The following MROH2A variants were observed in gnomAD, a reference collection of about 807,000 sequenced individuals.
The protein encoded by MROH2A is maestro heat-like repeat-containing protein family member 2A.
Under a neutral mutation model 200.4 loss-of-function variants are expected in MROH2A, and 174 were observed. That is an observed-to-expected ratio of 0.87 (90% CI 0.77 to 0.98). The LOEUF is 0.98. Ranked by LOEUF, MROH2A falls within the 50% of genes least tolerant of loss-of-function variation. MROH2A has a pLI of 0.00. For missense variants in MROH2A, 2,045 were observed against 2,139.6 expected (o/e 0.96, Z 0.87); for synonymous variants, 829 against 840.4 (o/e 0.99, Z 0.23).
intron 18 of MROH2A, 110 bp downstream of exon 18, chr2:233,804,657 C>A: frequency 1.1e-6 from 1 of 936,034 alleles, no homozygotes; most frequent in Non-Finnish European, 1.7e-6. Flanking sequence ...CCCTAAAGGA[C>A]ATGTTCTCCT....
At position 233,795,728 on chromosome 2, in the gene MROH2A, A is replaced by C; in HGVS notation, c.1042A>C (p.Thr348Pro). 1 of 1,551,072 alleles carries C rather than the reference A, an allele frequency of 6.4e-7. No homozygotes were observed. Among genetic ancestry groups the C allele is most frequent in the South Asian group, 1.2e-5 (1 of 84,056 alleles). Residue 348 changes from threonine (T) to proline (P), a missense_variant, in exon 9 of 42, where the codon ACA (threonine) becomes CCA (proline). Thr to Pro is a conservative substitution (Grantham distance 38). Transcript: ENST00000389758. ...VPQMQLHTIF[T>P]ELHVQVCNKA... Reference sequence around the variant, plus strand: ...CCAAATGCAGCTACACACCATTTTCACAGAACTGCACGTCCAGGTGAGGCC... The same window carrying C: ...CCAAATGCAGCTACACACCATTTTCCCAGAACTGCACGTCCAGGTGAGGCC...
At chr2:233,781,570 T>C (rs2126080193) in intron 3 of MROH2A, among the ~76,000 whole-genome samples, 1 of 152,252 alleles carries the variant, frequency 6.6e-6, no homozygotes, top group East Asian at 1.9e-4. Flanking sequence ...CTTTTGCCCA[T>C]TTTTAAATTT....
intron 3 of MROH2A, among the ~76,000 whole-genome samples, chr2:233,782,246 C>T (rs1208520607): frequency 6.6e-6 from 1 of 152,042 alleles, no homozygotes; most frequent in African/African-American, 2.4e-5. Context: ...TAAAGAATGT[C>T]ATTGGTATTT....
chr2:233,809,378 A>G (rs1008027870), intron 22 of MROH2A, 100 bp downstream of exon 22: 1 of 1,311,644 alleles, frequency 7.6e-7, no homozygotes, highest in Non-Finnish European at 1.1e-6. Flanking sequence ...CCCAGGGGAC[A>G]TCCAGGCATC....
intron 25 of MROH2A, 83 bp downstream of exon 25, chr2:233,813,861 C>T: frequency 2.8e-6 from 2 of 709,210 alleles, no homozygotes; most frequent in Non-Finnish European, 2.5e-6. Flanking sequence ...AGTCCACCTT[C>T]CTGAACCACC....
At chr2:233,793,278 C>G (rs1701898887) in intron 6 of MROH2A, among the ~76,000 whole-genome samples, 1 of 152,216 alleles carries the variant, frequency 6.6e-6, no homozygotes, top group South Asian at 2.1e-4. Context: ...CTATTTCAAT[C>G]TGATCACCTT....
Position 233,802,413 on chromosome 2 carries a change from C to A in MROH2A, c.1708+98C>A, listed in dbSNP as rs1702531224. The A allele has an allele frequency of 1.6e-5, 22 of 1,341,856 alleles. No homozygotes were observed. The East Asian group carries it at 5.3e-4, about 32-fold the overall frequency. 83.1% of individuals were successfully genotyped at this position (1,341,856 alleles called of 1,614,324 possible). On this transcript the variant is annotated intron_variant, in intron 15 of 41. Transcript: ENST00000389758. The stretch of plus-strand genomic sequence containing the variant: ...TCTCCACATTCCTCCCACCCTCATT[C>A]CCCCTTCTCCTGGAAACATCCAAGT...
rs1559479957 is a variant in MROH2A, at chr2:233,822,909, T to TTCAAGAGAG, written c.3903_3911dup (p.Arg1301_Lys1303dup). 1 of 1,550,580 alleles carries TTCAAGAGAG rather than the reference T, an allele frequency of 6.4e-7. No homozygotes were observed. The highest frequency in any genetic ancestry group is 2.0e-5 in the Admixed American group (1 of 50,998). On this transcript the variant is annotated inframe_insertion, in exon 34 of 42. Transcript: ENST00000389758. Reference sequence around the variant, plus strand: ...CACTATCAAGTCCATGCAGCTCTTGTTCAAGAGAGTCAAGAGCCAGCACCT... The same window carrying TTCAAGAGAG: ...CACTATCAAGTCCATGCAGCTCTTGTTCAAGAGAGTCAAGAGAGTCAAGAGCCAGCACCT...
intron 24 of MROH2A, among the ~76,000 whole-genome samples, chr2:233,813,393 T>C (rs568541480): frequency 1.4e-4 from 22 of 152,322 alleles, no homozygotes; most frequent in African/African-American, 5.1e-4. Flanking sequence ...AATGGAATGT[T>C]TCTGAGCAGA....
At chr2:233,791,619 A>G (rs1318026684) in intron 5 of MROH2A, among the ~76,000 whole-genome samples, 1 of 151,980 alleles carries the variant, frequency 6.6e-6, no homozygotes, top group Non-Finnish European at 1.5e-5. Context: ...GATATCCGGG[A>G]GTGAAAGTAG....
At chr2:233,823,284 A>T (rs956018249) in intron 34 of MROH2A, among the ~76,000 whole-genome samples, 1 of 152,228 alleles carries the variant, frequency 6.6e-6, no homozygotes, top group African/African-American at 2.4e-5. Context: ...AGAGTAGGCC[A>T]GGGATGGGAG....
intron 22 of MROH2A, among the ~76,000 whole-genome samples, chr2:233,809,780 G>GTACA (rs1553636273): frequency 2.0e-5 from 3 of 151,372 alleles, no homozygotes; most frequent in African/African-American, 7.3e-5. Flanking sequence ...CCATTTTTAA[G>GTACA]TATATATATA....
In MROH2A at chr2:233,822,279, T is replaced by G. The variant is rs1290159847; in HGVS notation, c.3668T>G (p.Leu1223Arg). The change falls in exon 32 of 42, where the codon CTG becomes CGG. Residue 1223 changes from leucine (L) to arginine (R), a missense_variant. Around this residue, in one of 3 missense-constraint regions of MROH2A, gnomAD observed 1,201 missense variants for 1,311.3 expected, o/e 0.92. Coordinates refer to ENST00000389758, the MANE Select transcript of MROH2A (RefSeq NM_001394639.1). ...DIWRLAAVDP[L>R]MTLCTIHLLI... ...TGGCGCCTGGCTGCGGTGGACCCCC[T>G]GATGGTGAGTTGCAGGCGCAGGCCC... The G allele has an allele frequency of 1.9e-6, 3 of 1,547,560 alleles. No individual in the cohort carries two copies. The highest frequency in any genetic ancestry group is 2.6e-6 in the Non-Finnish European group (3 of 1,146,920).
intron 28 of MROH2A, among the ~76,000 whole-genome samples, chr2:233,818,406 A>G (rs2124839517): frequency 6.6e-6 from 1 of 152,250 alleles, no homozygotes; most frequent in Middle Eastern, 3.4e-3. Context: ...CCAGATGCCA[A>G]GCATGTGACA....
chr2:233,802,480 A>T, intron 15 of MROH2A, 165 bp downstream of exon 15: 1 of 744,032 alleles, frequency 1.3e-6, no homozygotes, highest in Non-Finnish European at 2.1e-6. Context: ...ATTAATGCCT[A>T]CCTGATCATA....
Position 233,829,730 on chromosome 2 carries a change from C to T in MROH2A, c.4557C>T (p.Ile1519=), listed in dbSNP as rs1455221510. 10 of 1,476,500 alleles carry T rather than the reference C, an allele frequency of 6.8e-6. No homozygotes were observed. The highest frequency in any genetic ancestry group is 8.1e-6 in the Non-Finnish European group (9 of 1,110,360). 91.5% of individuals were successfully genotyped at this position (1,476,500 alleles called of 1,614,324 possible). A position where few individuals can be genotyped will look rare whatever the true frequency, so the allele number is the denominator to read the frequency against. ...AAGGGGAGGTGAAGAAGGCCTGGAT[C>T]CCCCTCATGCTGCACTCCCAGGACC... ...FFKGEVKKAW[I]PLMLHSQDPC... is the part of the protein sequence containing the mutation. Residue 1519 remains isoleucine (I), a synonymous_variant, in exon 38 of 42, where the codon ATC becomes ATT. Transcript: ENST00000389758.
chr2:233,829,366 G>T (rs911406478), intron 37 of MROH2A, among the ~76,000 whole-genome samples: 1 of 152,066 alleles, frequency 6.6e-6, no homozygotes, highest in African/African-American at 2.4e-5. Context: ...GTCACCCTGG[G>T]CCTCTGCTAG....
chr2:233,818,592 AG>A (rs1346422795), intron 28 of MROH2A, 59 bp from the exon 29 acceptor site: 23 of 1,087,256 alleles, frequency 2.1e-5, no homozygotes, highest in Admixed American at 6.0e-5. Context: ...GTAGCCACGA[AG>A]GGGGGGTGGC....
chr2:233,778,739 A>T (rs1700789694), intron 1 of MROH2A, among the ~76,000 whole-genome samples: 1 of 152,252 alleles, frequency 6.6e-6, no homozygotes, highest in Non-Finnish European at 1.5e-5. Flanking sequence ...GCCATTAATT[A>T]TCAGTGTGTA....
Sources: allele counts gnomAD v4.1 joint callset (sites outside exome capture counted in the v4.1 genomes callset), GRCh38; gene constraint gnomAD v4.1.1; regional missense constraint gnomAD v4.1.1; transcripts MANE v1.5; gene names NCBI Gene and HGNC (gene_info 2026-07-23, HGNC 2026-07-21).